Variants in NKAIN3 observed in about 807,000 individuals in gnomAD.
NKAIN3 encodes the protein sodium/potassium-transporting ATPase subunit beta-1-interacting protein 3.
NKAIN3 carries 25 observed loss-of-function variants against 30.2 expected under a neutral mutation model. That is an observed-to-expected ratio of 0.83 (90% CI 0.60 to 1.16). The LOEUF (loss-of-function observed/expected upper bound fraction) is 1.16, where lower values mean the gene tolerates loss of function less well. Ranked by LOEUF, NKAIN3 falls within the 50% of genes most tolerant of loss-of-function variation. The pLI is 0.00. For synonymous variants in NKAIN3, 91 were observed against 89.6 expected (o/e 1.02, Z -0.09); for missense variants, 225 against 254.1 (o/e 0.89, Z 0.78).
intron 3 of NKAIN3, among the ~76,000 whole-genome samples, chr8:62,691,368 T>C (rs573725746): frequency 1.3e-5 from 2 of 152,126 alleles, no homozygotes; most frequent in South Asian, 4.2e-4. Flanking sequence ...GTTCCAACTG[T>C]ACGGCTTAGA....
chr8:62,358,932 A>C (rs1347399685), intron 1 of NKAIN3, among the ~76,000 whole-genome samples: 1 of 152,242 alleles, frequency 6.6e-6, no homozygotes, highest in Admixed American at 6.5e-5. Context: ...CTGTAATCCC[A>C]GCACTTTGGG....
chr8:62,741,947 C>T (rs1215942833), intron 3 of NKAIN3, among the ~76,000 whole-genome samples: 3 of 152,088 alleles, frequency 2.0e-5, no homozygotes, highest in Non-Finnish European at 2.9e-5. Flanking sequence ...TTTTGGGTTT[C>T]TCTGTTTTCT....
chr8:62,293,391 A>G (rs1813717962), intron 1 of NKAIN3, among the ~76,000 whole-genome samples: 1 of 152,088 alleles, frequency 6.6e-6, no homozygotes, highest in Middle Eastern at 3.2e-3. Flanking sequence ...GTCTTTGATG[A>G]TGGTGACATA....
At chr8:62,990,251 T>A (rs1483797487) in intron 5 of NKAIN3, 2 of 1,531,162 alleles carry the variant, frequency 1.3e-6, no homozygotes, top group Admixed American at 2.0e-5. Context: ...TAAGATATTA[T>A]CACCAAATTG....
Position 62,965,620 on chromosome 8 carries a change from TAAAAAAAAAA to T in NKAIN3, c.*220_*229del. 5.6e-6 allele frequency: 5 copies of T among 885,930 alleles called. No individual in the cohort carries two copies. Among genetic ancestry groups the T allele is most frequent in the Non-Finnish European group, 6.7e-6 (5 of 749,750 alleles). 54.9% of individuals were successfully genotyped at this position (885,930 alleles called of 1,614,324 possible). A position where few individuals can be genotyped will look rare whatever the true frequency, so the allele number is the denominator to read the frequency against. ...TTCTTATATGAACACTTGTAAGTTG[TAAAAAAAAAA>T]AAAAAAGAAAAAACAGAATTTGGTT... On this transcript the variant is annotated 3_prime_UTR_variant, in exon 7 of 7. Transcript: ENST00000623646.
intron 1 of NKAIN3, among the ~76,000 whole-genome samples, chr8:62,299,129 C>A (rs1246937745): frequency 6.6e-6 from 1 of 151,964 alleles, no homozygotes; most frequent in Non-Finnish European, 1.5e-5. Context: ...AGCTAACCAA[C>A]TTAAAGTTAG....
At chr8:62,747,158 A>T in intron 4 of NKAIN3, 29 bp downstream of exon 4, 1 of 1,455,024 alleles carries the variant, frequency 6.9e-7, no homozygotes, top group Non-Finnish European at 9.6e-7. Flanking sequence ...TCATTATCTA[A>T]TCAGAACTCT....
chr8:62,511,104 A>G (rs1389623230), intron 1 of NKAIN3, among the ~76,000 whole-genome samples: 1 of 151,914 alleles, frequency 6.6e-6, no homozygotes. Context: ...CTGCCTCCCC[A>G]CACCCTCCCC....
Position 62,298,428 on chromosome 8 carries a change from A to C in NKAIN3, c.54+49301A>C, listed in dbSNP as rs1004889761. ...TACTTCCCACCATAATTAAGACGGT[A>C]GGCCCCAGTATCAACCCTACCAACT... On this transcript the variant is annotated intron_variant, in intron 1 of 6. Transcript: ENST00000623646. Among the ~76,000 whole-genome samples the C allele has an allele frequency of 1.4e-4, 22 of 152,122 alleles. 1 individual carries two copies. The highest frequency in any genetic ancestry group is 2.8e-4 in the Non-Finnish European group (19 of 68,002).
intron 1 of NKAIN3, among the ~76,000 whole-genome samples, chr8:62,317,874 GC>G (rs1288552855): frequency 6.6e-6 from 1 of 152,168 alleles, no homozygotes; most frequent in Non-Finnish European, 1.5e-5. Flanking sequence ...GGGCAGTACG[GC>G]CATTTTCACG....
At chr8:62,628,814 T>C (rs1379785473) in intron 3 of NKAIN3, among the ~76,000 whole-genome samples, 3 of 152,124 alleles carry the variant, frequency 2.0e-5, no homozygotes, top group African/African-American at 7.2e-5. Context: ...TTTACACCCA[T>C]ATATTGGTGT....
intron 3 of NKAIN3, among the ~76,000 whole-genome samples, chr8:62,605,738 C>T (rs1017979146): frequency 3.9e-5 from 6 of 151,990 alleles, no homozygotes; most frequent in Non-Finnish European, 7.4e-5. Context: ...AGGGTGTGCA[C>T]AGGTCATGTG....
intron 3 of NKAIN3, among the ~76,000 whole-genome samples, chr8:62,699,902 G>T (rs935345363): frequency 8.5e-5 from 13 of 152,196 alleles, no homozygotes; most frequent in African/African-American, 2.9e-4. Context: ...GGGAGGTCAA[G>T]GCAGGAGGAT....
intron 4 of NKAIN3, among the ~76,000 whole-genome samples, chr8:62,770,727 C>T (rs1816982231): frequency 6.6e-6 from 1 of 151,250 alleles, no homozygotes; most frequent in Admixed American, 6.6e-5. Context: ...GTTATGCAGA[C>T]TTATAGGTGA....
chr8:62,444,498 T>A (rs1002676189), intron 1 of NKAIN3, among the ~76,000 whole-genome samples: 1 of 152,192 alleles, frequency 6.6e-6, no homozygotes, highest in African/African-American at 2.4e-5. Flanking sequence ...TCTGTGTTTC[T>A]CTTAATAAAG....
intron 1 of NKAIN3, among the ~76,000 whole-genome samples, chr8:62,559,614 C>T (rs1288568270): frequency 6.6e-6 from 1 of 151,954 alleles, no homozygotes; most frequent in Non-Finnish European, 1.5e-5. Context: ...CTCAGGGTGG[C>T]ATACATATAA....
chr8:62,760,962 G>A (rs1467371069), intron 4 of NKAIN3, among the ~76,000 whole-genome samples: 4 of 152,238 alleles, frequency 2.6e-5, no homozygotes, highest in Admixed American at 1.3e-4. Context: ...TTCTCTCAAC[G>A]GGTAACGTCA....
intron 3 of NKAIN3, among the ~76,000 whole-genome samples, chr8:62,650,694 A>G (rs982507771): frequency 6.6e-6 from 1 of 152,170 alleles, no homozygotes; most frequent in Non-Finnish European, 1.5e-5. Context: ...CCAGTTAAGG[A>G]CCAAAGTATG....
chr8:62,574,625 G>A (rs571702631), intron 1 of NKAIN3, among the ~76,000 whole-genome samples: 127 of 152,068 alleles, frequency 8.4e-4, no homozygotes, highest in African/African-American at 2.6e-3. Context: ...AATTCAAACC[G>A]TTCTCCATAG....
Sources: allele counts gnomAD v4.1 joint callset (sites outside exome capture counted in the v4.1 genomes callset), GRCh38; gene constraint gnomAD v4.1.1; transcripts MANE v1.5; gene names NCBI Gene and HGNC (gene_info 2026-07-23, HGNC 2026-07-21).